The following GRAMD4 variants were observed in gnomAD, a reference collection of about 807,000 sequenced individuals.
GRAMD4 encodes GRAM domain-containing protein 4.
GRAMD4 carries 25 observed loss-of-function variants against 83.9 expected under a neutral mutation model. The ratio of observed to expected loss-of-function variants is 0.30; its 90% CI spans 0.22 to 0.42. The LOEUF (loss-of-function observed/expected upper bound fraction) is 0.42, where lower values mean the gene tolerates loss of function less well. Among genes scored for constraint, GRAMD4 ranks in the 10% least tolerant of loss-of-function variants. The pLI is 1.00. For missense variants in GRAMD4, 593 were observed against 788.7 expected, an observed-to-expected ratio of 0.75 and a Z score of 2.97; for synonymous variants, 336 against 320.9, an observed-to-expected ratio of 1.05 and a Z score of -0.50.
chr22:46,578,306 G>C (rs9616058), intron 1 of GRAMD4, among the ~76,000 whole-genome samples: 1 of 152,104 alleles, frequency 6.6e-6, no homozygotes, highest in Admixed American at 6.5e-5. Flanking sequence ...CTGGGAGGGA[G>C]GTCAGGGTCA....
intron 2 of GRAMD4, among the ~76,000 whole-genome samples, chr22:46,627,841 C>T (rs935069209): frequency 6.6e-6 from 1 of 151,996 alleles, no homozygotes; most frequent in African/African-American, 2.4e-5. Flanking sequence ...TCGACACTGC[C>T]CGATCAGGCA....
chr22:46,615,499 G>GGGTTCCCCTGTGTGTGCA (rs1569261610), upstream of GRAMD4, among the ~76,000 whole-genome samples: 8 of 138,348 alleles, frequency 5.8e-5, no homozygotes, highest in Non-Finnish European at 1.1e-4. Flanking sequence ...CCGTGTGTGC[G>GGGTTCCCCTGTGTGTGCA]GGTTCCCCTG....
At chr22:46,606,521 C>CT (rs1259839784) in intron 1 of GRAMD4, among the ~76,000 whole-genome samples, 1 of 42,822 alleles carries the variant, frequency 2.3e-5, no homozygotes, top group African/African-American at 5.0e-5. Context: ...CTGAGCATCT[C>CT]TGCATGGGTT....
Position 46,620,941 on chromosome 22 carries a change from T to A in GRAMD4, c.-50+376T>A, listed in dbSNP as rs1017465331. Among the ~76,000 whole-genome samples, 5 of 151,882 alleles carry A rather than the reference T, an allele frequency of 3.3e-5. No homozygotes were observed. The highest frequency in any genetic ancestry group is 5.9e-5 in the Non-Finnish European group (4 of 67,926). On this transcript the variant is annotated intron_variant, in intron 1 of 18. Transcript: ENST00000406902. This position sits in a 1 kb window ranked among gnomAD's most constrained non-coding sequence, Gnocchi z 4.7. Reference sequence around the variant, plus strand: ...CCATCCGAGAGGGAGGAGGCCGATCTGAGAGGGCCGCATGGCTCGGAGTTG... The same window carrying A: ...CCATCCGAGAGGGAGGAGGCCGATCAGAGAGGGCCGCATGGCTCGGAGTTG...
rs376984154 is a variant in GRAMD4 at position 46,674,730 on chromosome 22, G to C, written c.1458G>C (p.Gly486=). The change falls in exon 16 of 19, where the codon GGG becomes GGC. Residue 486 remains glycine, a synonymous_variant. Transcript: ENST00000406902. Reference sequence around the variant, plus strand: ...TGCCCACGGACTACATCAGGAACGGGGTGCTCTACGTCACGGAGAAGTGAG... The same window carrying C: ...TGCCCACGGACTACATCAGGAACGGCGTGCTCTACGTCACGGAGAAGTGAG... ...RKMPTDYIRN[G]VLYVTENYLC... 4 of 1,611,400 alleles carry C rather than the reference G, an allele frequency of 2.5e-6. No individual in the cohort carries two copies. The highest frequency in any genetic ancestry group is 2.5e-6 in the Non-Finnish European group (3 of 1,178,254).
intron 3 of GRAMD4, among the ~76,000 whole-genome samples, chr22:46,642,558 A>C (rs2081987875): frequency 6.6e-6 from 1 of 152,220 alleles, no homozygotes; most frequent in Admixed American, 6.5e-5. Flanking sequence ...AAATATCACA[A>C]GATTACTCAA....
chr22:46,632,344 T>C lies in GRAMD4; in HGVS notation c.162+5383T>C, dbSNP rs185636563. ...TGACCCCCGACCAGGAGGCAGGAGA[T>C]GGGAGACGTCCCCAGAAGACCCACG... On this transcript the variant is annotated intron_variant, in intron 2 of 18. Coordinates refer to ENST00000406902, the MANE Select transcript of GRAMD4 (RefSeq NM_015124.5). Among the ~76,000 whole-genome samples the C allele has an allele frequency of 1.1e-3, 173 of 152,308 alleles. 1 individual carries two copies. Among genetic ancestry groups the C allele is most frequent in the Non-Finnish European group, 2.1e-3 (142 of 68,020 alleles).
chr22:46,636,138 C>G (rs2081884150), intron 2 of GRAMD4, among the ~76,000 whole-genome samples: 1 of 152,136 alleles, frequency 6.6e-6, no homozygotes. Flanking sequence ...AGCCCCAGAC[C>G]CATGTCTCCA....
intron 1 of GRAMD4, among the ~76,000 whole-genome samples, chr22:46,580,046 G>A (rs2147891553): frequency 6.6e-6 from 1 of 152,344 alleles, no homozygotes; most frequent in East Asian, 1.9e-4. Flanking sequence ...AGAGGCTGCT[G>A]CCTGGCCTCT....
chr22:46,634,002 C>T (rs1371287061), intron 2 of GRAMD4, among the ~76,000 whole-genome samples: 2 of 152,244 alleles, frequency 1.3e-5, no homozygotes, highest in East Asian at 1.9e-4. Context: ...CTGTCTCACC[C>T]CCGGGTGCCT....
rs2082355328 is a variant in GRAMD4, at chr22:46,663,181, T to C, written c.599+9T>C. 2.5e-6 allele frequency: 4 copies of C among 1,609,060 alleles called. No homozygotes were observed. Among genetic ancestry groups the C allele is most frequent in the Non-Finnish European group, 3.4e-6 (4 of 1,177,526 alleles). ...CCCCTGAGCGCCCGCAGGTAGGGGT[T>C]CGCCGAGCTGGGGCTGCCTGTGCGT... On this transcript the variant is annotated intron_variant, in intron 6 of 18. Transcript: ENST00000406902.
chr22:46,661,478 C>T (rs778950163), intron 5 of GRAMD4, 36 bp downstream of exon 5: 17 of 692,794 alleles, frequency 2.5e-5, no homozygotes, highest in East Asian at 4.1e-5. Flanking sequence ...GGCAGGCGGG[C>T]GGGTGGGTGG....
At chr22:46,634,349 T>G (rs912268753) in intron 2 of GRAMD4, among the ~76,000 whole-genome samples, 2 of 152,194 alleles carry the variant, frequency 1.3e-5, no homozygotes, top group African/African-American at 2.4e-5. Flanking sequence ...GAGAAACTTC[T>G]GGAAGCTACA....
At chr22:46,655,364 T>C (rs930318885) in intron 3 of GRAMD4, among the ~76,000 whole-genome samples, 5 of 152,026 alleles carry the variant, frequency 3.3e-5, no homozygotes, top group African/African-American at 1.2e-4. Flanking sequence ...AGCAACAAGT[T>C]CTGGCTTGTG....
upstream of GRAMD4, among the ~76,000 whole-genome samples, chr22:46,616,279 C>T (rs1309901540): frequency 1.3e-3 from 12 of 9,478 alleles, 4 homozygotes; most frequent in East Asian, 0.042. Context: ...CCCGTGTGTG[C>T]AGGTTCCCCT....
At chr22:46,655,026 T>C (rs2082222089) in intron 3 of GRAMD4, among the ~76,000 whole-genome samples, 1 of 151,942 alleles carries the variant, frequency 6.6e-6, no homozygotes, top group South Asian at 2.1e-4. Context: ...GGGGGGGCTG[T>C]TGGGGAAGTC....
At chr22:46,610,257 C>T (rs138522) in intron 1 of GRAMD4, among the ~76,000 whole-genome samples, 121,247 of 152,212 alleles carry the variant, frequency 0.8, 49,011 homozygotes, top group East Asian at 1. Context: ...GTGAGGGCTG[C>T]GGTTCCCTCT....
chr22:46,627,316 G>C (rs970772088), intron 2 of GRAMD4, among the ~76,000 whole-genome samples: 2 of 152,242 alleles, frequency 1.3e-5, no homozygotes, highest in African/African-American at 2.4e-5. Context: ...GGAAGCCGCT[G>C]GTGCCTGGCT....
At chr22:46,666,723 G>T in intron 9 of GRAMD4, 102 bp from the exon 10 acceptor site, 1 of 967,196 alleles carries the variant, frequency 1.0e-6, no homozygotes, top group Non-Finnish European at 1.7e-6. Context: ...ACCTAGAAGG[G>T]CCCCCTCCAA....
Sources: allele counts gnomAD v4.1 joint callset (sites outside exome capture counted in the v4.1 genomes callset), GRCh38; gene constraint gnomAD v4.1.1; non-coding constraint Gnocchi (gnomAD v3.1); transcripts MANE v1.5; gene names NCBI Gene and HGNC (gene_info 2026-07-23, HGNC 2026-07-21).